Variants in GLMN observed in about 807,000 individuals in gnomAD.
GLMN encodes glomulin, FKBP associated protein.
Under a neutral mutation model 87.8 loss-of-function variants are expected in GLMN, and 75 were observed. The ratio of observed to expected loss-of-function variants is 0.85; its 90% CI spans 0.71 to 1.04. The LOEUF is 1.04. Among genes scored for constraint, GLMN ranks in the 50% least tolerant of loss-of-function variants. The pLI is 0.00. For synonymous variants in GLMN, 206 were observed against 221.6 expected, an observed-to-expected ratio of 0.93 and a Z score of 0.63; for missense variants, 588 against 658.8, an observed-to-expected ratio of 0.89 and a Z score of 1.18.
rs1180367058 is a variant in GLMN at position 92,263,625 on chromosome 1, A to G, written c.1407T>C (p.Asp469=). The G allele has an allele frequency of 7.4e-7, 1 of 1,359,960 alleles. No homozygotes were observed. Among genetic ancestry groups the G allele is most frequent in the East Asian group, 2.3e-5 (1 of 43,638 alleles). The allele number at this position is 1,359,960 out of a possible 1,614,324, so 84.2% of individuals were successfully genotyped here. The change falls in exon 15 of 19, where the codon GAT becomes GAC. Residue 469 remains aspartate, a splice_region_variant and synonymous_variant. Coordinates refer to ENST00000370360, the MANE Select transcript of GLMN (RefSeq NM_053274.3). ...AACTTTGGTAATGGTCACCTCACCTATCTGAGTTTTGCAGTAAATCTGTTT... is the reference window on the plus strand; with the variant it reads ...AACTTTGGTAATGGTCACCTCACCTGTCTGAGTTTTGCAGTAAATCTGTTT... ...GAETDLLQNS[D]RIMASLNLLR...
chr1:92,256,588 G>A (rs1448754740), intron 16 of GLMN, among the ~76,000 whole-genome samples: 2 of 152,154 alleles, frequency 1.3e-5, no homozygotes, highest in Non-Finnish European at 2.9e-5. Context: ...TGTGATTCAA[G>A]GCTGGTTCAA....
At position 92,266,484 on chromosome 1, in the gene GLMN, CT is replaced by C; in HGVS notation, c.1148del (p.Lys383ArgfsTer3). On this transcript the variant is annotated frameshift_variant, in exon 13 of 19. Transcript: ENST00000370360. LOFTEE classifies it high-confidence loss of function. The part of the protein sequence containing the change: ...TLCPIETLRK[K>X]SLAMLQLYIN... Reference sequence around the variant, plus strand: ...TATACAGCTGAAGCATAGCTAAACTCTTTTTCCTCTAAAATGGAACAAACAA... The same window carrying C: ...TATACAGCTGAAGCATAGCTAAACTCTTTTCCTCTAAAATGGAACAAACAA... 1.9e-6 allele frequency: 3 copies of C among 1,554,060 alleles called. No individual in the cohort carries two copies. The highest frequency in any genetic ancestry group is 1.8e-6 in the Non-Finnish European group (2 of 1,126,942).
At chr1:92,310,346 T>C in the GLMN span, among the ~76,000 whole-genome samples, 4 of 152,208 alleles carry the variant, frequency 2.6e-5, no homozygotes, top group Admixed American at 2.0e-4. Flanking sequence ...TCTAGAATTT[T>C]GTATTTTTAA....
At position 92,295,809 on chromosome 1, in the gene GLMN, ATTAAG is replaced by A. The variant is rs1004848072; in HGVS notation, c.165+1590_165+1594del. ...ACCTTCTGAGATTTTGGAGAGACTA[ATTAAG>A]TTAATAAATGTAAAGGACTAAAGAC... On this transcript the variant is annotated intron_variant, in intron 3 of 18. Transcript: ENST00000370360. 9.2e-5 allele frequency among the ~76,000 whole-genome samples: 14 copies of A among 152,308 alleles called. No individual in the cohort carries two copies. In the South Asian group the frequency reaches 2.1e-3, roughly 23 times the overall value.
At chr1:92,296,197 G>C (rs548103949) in intron 3 of GLMN, among the ~76,000 whole-genome samples, 3 of 152,228 alleles carry the variant, frequency 2.0e-5, no homozygotes, top group African/African-American at 7.2e-5. Flanking sequence ...GTGATATCAA[G>C]AAAGAAAACT....
intron 16 of GLMN, among the ~76,000 whole-genome samples, chr1:92,258,207 C>A (rs942493605): frequency 7.2e-5 from 11 of 152,120 alleles, no homozygotes; most frequent in Admixed American, 1.3e-4. Flanking sequence ...AATGAGATAC[C>A]ATCTCATGCC....
intron 11 of GLMN, 130 bp from the exon 12 acceptor site, chr1:92,266,871 T>TC: frequency 1.5e-6 from 1 of 650,484 alleles, no homozygotes; most frequent in Non-Finnish European, 2.7e-6. Context: ...GTGAAGTAAA[T>TC]TAATTTTTCC....
chr1:92,270,206 T>A (rs906173880), intron 8 of GLMN, among the ~76,000 whole-genome samples: 18 of 152,152 alleles, frequency 1.2e-4, no homozygotes, highest in African/African-American at 3.9e-4. Context: ...GACAAACTAT[T>A]TCTGTTATTT....
At chr1:92,289,244 C>A in intron 5 of GLMN, 93 bp from the exon 6 acceptor site, 1 of 783,928 alleles carries the variant, frequency 1.3e-6, no homozygotes. Flanking sequence ...TTCCTCCTCC[C>A]ACATTTTAAC....
the GLMN span, among the ~76,000 whole-genome samples, chr1:92,327,513 T>C: frequency 6.6e-6 from 1 of 152,208 alleles, no homozygotes; most frequent in African/African-American, 2.4e-5. Context: ...ATGGAATATG[T>C]TTTTCCACCC....
chr1:92,322,805 G>T, the GLMN span, among the ~76,000 whole-genome samples: 1 of 150,778 alleles, frequency 6.6e-6, no homozygotes, highest in South Asian at 2.1e-4. Flanking sequence ...TGAACCTAGG[G>T]GGCAGAGGTT....
chr1:92,295,119 T>C (rs983705131), intron 3 of GLMN, among the ~76,000 whole-genome samples: 3 of 152,240 alleles, frequency 2.0e-5, no homozygotes, highest in Admixed American at 6.5e-5. Flanking sequence ...AGAAGCATGC[T>C]AAAAATAAAA....
rs544106500 is a variant in GLMN, at chr1:92,284,541, C to G, written c.735+1949G>C. Among the ~76,000 whole-genome samples the G allele has an allele frequency of 7.9e-4, 120 of 152,168 alleles. 1 individual carries two copies. The highest frequency in any genetic ancestry group is 2.8e-3 in the African/African-American group (115 of 41,514). On this transcript the variant is annotated intron_variant, in intron 7 of 18. Transcript: ENST00000370360. ...CCCTAAAAGAAAACCTAGGCAATAC[C>G]ATTCAGGACATAGGCATGGGCAAGG...
At chr1:92,291,321 T>G in intron 4 of GLMN, 97 bp downstream of exon 4, 1 of 1,130,122 alleles carries the variant, frequency 8.8e-7, no homozygotes. Context: ...TGTACTTTCA[T>G]GAACCAAAAG....
At chr1:92,303,573 A>G (rs910731034), upstream of GLMN, among the ~76,000 whole-genome samples, 1 of 152,174 alleles carries the variant, frequency 6.6e-6, no homozygotes, top group Non-Finnish European at 1.5e-5. Context: ...GCTTTAAAAA[A>G]TAGGTAAAAT....
chr1:92,262,820 C>G, intron 16 of GLMN, 43 bp downstream of exon 16: 1 of 827,416 alleles, frequency 1.2e-6, no homozygotes, highest in Non-Finnish European at 2.1e-6. Context: ...TTCCTTATGC[C>G]TTTTGAATAT....
At chr1:92,360,870 C>G in the GLMN span, among the ~76,000 whole-genome samples, 1 of 151,882 alleles carries the variant, frequency 6.6e-6, no homozygotes, top group Admixed American at 6.6e-5. Context: ...TGATTCTTAC[C>G]TCCCTTTCTC....
At chr1:92,346,053 A>G in the GLMN span, 1,207 of 535,796 alleles carry the variant, frequency 2.3e-3, 11 homozygotes, top group African/African-American at 0.018. Context: ...TTCCTTTCCT[A>G]TGTAAGAAAA....
At chr1:92,280,236 G>A (rs998915788) in intron 7 of GLMN, among the ~76,000 whole-genome samples, 2 of 152,144 alleles carry the variant, frequency 1.3e-5, no homozygotes, top group Non-Finnish European at 2.9e-5. Flanking sequence ...TCAAACAGGC[G>A]GGTGCCCCTC....
Sources: allele counts gnomAD v4.1 joint callset (sites outside exome capture counted in the v4.1 genomes callset), GRCh38; gene constraint gnomAD v4.1.1; transcripts MANE v1.5; gene names NCBI Gene and HGNC (gene_info 2026-07-23, HGNC 2026-07-21).